The following EPB41L3 variants were observed in gnomAD, a reference collection of about 807,000 sequenced individuals.
EPB41L3 encodes the protein erythrocyte membrane protein band 4.1 like 3, also known as band 4.1-like protein 3.
In EPB41L3, 57 loss-of-function variants were observed where a neutral mutation model predicts 127.1. The ratio of observed to expected loss-of-function variants is 0.45; its 90% confidence interval spans 0.36 to 0.56. The LOEUF (loss-of-function observed/expected upper bound fraction) is 0.56, where lower values mean the gene tolerates loss of function less well. Among genes scored for constraint, EPB41L3 ranks in the 20% least tolerant of loss-of-function variants. EPB41L3 has a pLI of 0.00. For missense variants in EPB41L3, 1,273 were observed against 1,372.2 expected (o/e 0.93, Z 1.14); for synonymous variants, 572 against 549.5 (o/e 1.04, Z -0.57).
chr18:5,564,794 AC>A (rs34809082), intron 3 of EPB41L3, among the ~76,000 whole-genome samples: 2 of 152,028 alleles, frequency 1.3e-5, no homozygotes, highest in African/African-American at 2.4e-5. Flanking sequence ...CACCAACAGG[AC>A]CCCAGTTCCC....
intron 12 of EPB41L3, among the ~76,000 whole-genome samples, chr18:5,416,982 G>T (rs1461236835): frequency 6.6e-6 from 1 of 152,118 alleles, no homozygotes; most frequent in Non-Finnish European, 1.5e-5. Flanking sequence ...TACAATCAGG[G>T]ATTCGACAGT....
intron 22 of EPB41L3, chr18:5,394,091 A>G (rs2072891744): frequency 6.5e-6 from 1 of 152,948 alleles, no homozygotes; most frequent in Admixed American, 6.5e-5. Flanking sequence ...AGGGAGAAAA[A>G]TCATCCCAAA....
chr18:5,433,496 C>T lies in EPB41L3; in HGVS notation c.885G>A (p.Met295Ile). ...HFLENAKKLS[M>I]YGVDLHHAKD... is the part of the protein sequence containing the mutation. ...TAGCATGATGTAAATCTACCCCATA[C>T]ATTGATAATTTTTTGGCATTTTCCA... Residue 295 changes from methionine (M) to isoleucine (I), a missense_variant, in exon 8 of 23, where the codon ATG becomes ATA. By Grantham distance (10) the Met-to-Ile change is conservative (BLOSUM62 1). Coordinates refer to ENST00000341928, the MANE Select transcript of EPB41L3 (RefSeq NM_012307.5). The T allele has an allele frequency of 6.2e-7, 1 of 1,613,540 alleles. No individual in the cohort carries two copies. The highest frequency in any genetic ancestry group is 8.5e-7 in the Non-Finnish European group (1 of 1,179,742).
chr18:5,503,615 T>C (rs2091922228), intron 1 of EPB41L3, among the ~76,000 whole-genome samples: 1 of 152,194 alleles, frequency 6.6e-6, no homozygotes, highest in African/African-American at 2.4e-5. Context: ...TGCCAACCAC[T>C]GGCCCCTCTC....
intron 1 of EPB41L3, among the ~76,000 whole-genome samples, chr18:5,493,879 G>A (rs1365756826): frequency 6.6e-6 from 1 of 152,090 alleles, no homozygotes; most frequent in Non-Finnish European, 1.5e-5. Context: ...CTCCAGGTTT[G>A]ACACCCTCTT....
intron 22 of EPB41L3, chr18:5,394,186 A>G (rs2072921342): frequency 6.5e-6 from 1 of 153,116 alleles, no homozygotes. Flanking sequence ...CAAAAGCATA[A>G]ACAGGTTACA....
chr18:5,600,557 A>G (rs1180742580), intron 3 of EPB41L3, among the ~76,000 whole-genome samples: 2 of 152,164 alleles, frequency 1.3e-5, no homozygotes, highest in African/African-American at 4.8e-5. Context: ...TTATTTTTTA[A>G]CCTAAAACTT....
chr18:5,413,400 T>C (rs910023914), intron 13 of EPB41L3, among the ~76,000 whole-genome samples: 7 of 152,216 alleles, frequency 4.6e-5, no homozygotes, highest in Admixed American at 3.9e-4. Flanking sequence ...TGAAGCCTTT[T>C]TATACTGGAT....
At chr18:5,510,663 C>T (rs539691893) in intron 1 of EPB41L3, among the ~76,000 whole-genome samples, 9 of 152,294 alleles carry the variant, frequency 5.9e-5, no homozygotes, top group Non-Finnish European at 8.8e-5. Context: ...GGAACGTCTG[C>T]GGCACTGTGT....
At position 5,393,260 on chromosome 18, in the gene EPB41L3, T is replaced by C. The variant is rs1176723088; in HGVS notation, c.*225A>G. 5 of 428,212 alleles carry C rather than the reference T, an allele frequency of 1.2e-5. No individual in the cohort carries two copies. The East Asian group carries it at 1.4e-4, about 12-fold the overall frequency. 26.5% of individuals were successfully genotyped at this position (428,212 alleles called of 1,614,324 possible). A position where few individuals can be genotyped will look rare whatever the true frequency, so the allele number is the denominator to read the frequency against. On this transcript the variant is annotated 3_prime_UTR_variant, in exon 23 of 23. Transcript: ENST00000341928. ...TGCTGCTCTTTTGTAATTTTATCGT[T>C]GCTTCATGCATTATCGGTTTAGTGA...
At chr18:5,620,823 G>A (rs939561550) in intron 1 of EPB41L3, among the ~76,000 whole-genome samples, 2 of 152,038 alleles carry the variant, frequency 1.3e-5, no homozygotes, top group East Asian at 1.9e-4. Context: ...AAACCTTGGC[G>A]CCAAGGTTTT....
At chr18:5,395,377 G>A (rs1235143882) in intron 20 of EPB41L3, among the ~76,000 whole-genome samples, 4 of 152,242 alleles carry the variant, frequency 2.6e-5, no homozygotes, top group Non-Finnish European at 1.5e-5. Flanking sequence ...AAGCACTGGA[G>A]TAAGCATTAA....
At chr18:5,542,991 CACCCCCACCGCGGCAGA>C (rs1216874762) in intron 1 of EPB41L3, among the ~76,000 whole-genome samples, 1 of 152,164 alleles carries the variant, frequency 6.6e-6, no homozygotes, top group African/African-American at 2.4e-5. Flanking sequence ...CTAGCCTCCC[CACCCCCACCGCGGCAGA>C]GCCGCCTTCG....
At chr18:5,519,777 C>T (rs930547823) in intron 1 of EPB41L3, among the ~76,000 whole-genome samples, 2 of 152,230 alleles carry the variant, frequency 1.3e-5, no homozygotes, top group African/African-American at 4.8e-5. Flanking sequence ...GGATATATTT[C>T]TCTTTCCTAC....
Position 5,509,323 on chromosome 18 carries a change from G to A in EPB41L3, c.-11-20129C>T, listed in dbSNP as rs1271409088. 3.3e-5 allele frequency among the ~76,000 whole-genome samples: 5 copies of A among 152,302 alleles called. No individual in the cohort carries two copies. In the East Asian group the frequency reaches 5.8e-4, roughly 18 times the overall value. ...TGAGTTGGAGAATTGCATCTTAAAG[G>A]ACCACACTAAGGTGTCCATTCCTGG... On this transcript the variant is annotated intron_variant, in intron 1 of 22. Coordinates refer to ENST00000341928, the MANE Select transcript of EPB41L3 (RefSeq NM_012307.5).
At chr18:5,566,335 A>G (rs563601856) in intron 3 of EPB41L3, among the ~76,000 whole-genome samples, 3 of 152,364 alleles carry the variant, frequency 2.0e-5, no homozygotes, top group Admixed American at 6.5e-5. Flanking sequence ...ACAGAGAGCC[A>G]AATCATGAGT....
In EPB41L3 at chr18:5,421,469, A is replaced by T. The variant is rs75001497; in HGVS notation, c.1340-1592T>A. 4.4e-3 allele frequency among the ~76,000 whole-genome samples: 670 copies of T among 152,308 alleles called. 2 individuals carry two copies. Among genetic ancestry groups the T allele is most frequent in the Middle Eastern group, 0.027 (8 of 294 alleles). On this transcript the variant is annotated intron_variant, in intron 11 of 22. Transcript: ENST00000341928. ...TCAATATCTTAATTCAGCTCGAAAC[A>T]GTCCTGGTAATTATTTTATTCAAAA...
intron 3 of EPB41L3, among the ~76,000 whole-genome samples, chr18:5,586,302 C>T (rs1262835503): frequency 6.6e-6 from 1 of 152,020 alleles, no homozygotes; most frequent in Non-Finnish European, 1.5e-5. Flanking sequence ...AGACAGTAGA[C>T]AGAGAAGCTG....
At chr18:5,519,955 C>T (rs987473748) in intron 1 of EPB41L3, among the ~76,000 whole-genome samples, 3 of 152,176 alleles carry the variant, frequency 2.0e-5, no homozygotes, top group Non-Finnish European at 4.4e-5. Flanking sequence ...TGTCTGCAGG[C>T]ATTAAAGCAG....
Sources: gnomAD v4.1 joint callset for allele counts (sites outside exome capture counted in the v4.1 genomes callset) on GRCh38, gnomAD v4.1.1 for gene constraint, MANE v1.5 for transcripts, NCBI Gene and HGNC (gene_info 2026-07-23, HGNC 2026-07-21) for gene names.